PITPNM3: variants seen among roughly 807,000 people sequenced by gnomAD.
PITPNM3 encodes PITPNM family member 3, also known as membrane-associated phosphatidylinositol transfer protein 3.
PITPNM3 carries 26 observed loss-of-function variants against 102.0 expected under a neutral mutation model. The ratio of observed to expected loss-of-function variants is 0.25; its 90% CI spans 0.19 to 0.35. The LOEUF (loss-of-function observed/expected upper bound fraction) is 0.35, where lower values mean the gene tolerates loss of function less well. Among genes scored for constraint, PITPNM3 ranks in the 10% least tolerant of loss-of-function variants. PITPNM3 has a pLI of 1.00. For missense variants in PITPNM3, 1,083 were observed against 1,346.1 expected (o/e 0.80, Z 3.06); for synonymous variants, 578 against 558.6 (o/e 1.03, Z -0.49).
rs918800944 is a variant in PITPNM3, at chr17:6,458,481, T to C, written c.2491-759A>G. Among the ~76,000 whole-genome samples the C allele has an allele frequency of 6.6e-6, 1 of 152,146 alleles. No individual in the cohort carries two copies. The highest frequency in any genetic ancestry group is 2.4e-5 in the African/African-American group (1 of 41,408). ...CCCACGGTCTGCATGACGTGAAGGA[T>C]CTACCACCTCCCACCCGGCCTGGCA... On this transcript the variant is annotated intron_variant, in intron 18 of 19. Coordinates refer to ENST00000262483, the MANE Select transcript of PITPNM3 (RefSeq NM_031220.4). The surrounding 1 kb of genome is among the most constrained non-coding windows in gnomAD (Gnocchi z 5.1).
At chr17:6,551,047 C>T (rs542267233) in intron 1 of PITPNM3, among the ~76,000 whole-genome samples, 3 of 152,300 alleles carry the variant, frequency 2.0e-5, no homozygotes, top group South Asian at 2.1e-4. Context: ...CCCCAGACTG[C>T]GGGAAAGCTT....
chr17:6,457,761 G>A lies in PITPNM3; in HGVS notation c.2491-39C>T. On this transcript the variant is annotated intron_variant, in intron 18 of 19. Coordinates refer to ENST00000262483, the MANE Select transcript of PITPNM3 (RefSeq NM_031220.4). The surrounding 1 kb of genome is among the most constrained non-coding windows in gnomAD (Gnocchi z 4.7). ...CAGGCATAGGGGGAGAGTGAGGCCA[G>A]CCCACCCCCTGGAAAGCCTTCCCAG... 1 of 1,557,214 alleles carries A rather than the reference G, an allele frequency of 6.4e-7. No homozygotes were observed.
At chr17:6,531,877 C>T (rs1282766719) in intron 2 of PITPNM3, among the ~76,000 whole-genome samples, 2 of 152,070 alleles carry the variant, frequency 1.3e-5, no homozygotes, top group African/African-American at 2.4e-5. Flanking sequence ...CTGAGGCGGA[C>T]GGATCACCTG....
In PITPNM3 at chr17:6,471,620, A is replaced by G. The variant is rs984296805; in HGVS notation, c.1430-265T>C. On this transcript the variant is annotated intron_variant, in intron 11 of 19. Coordinates refer to ENST00000262483, the MANE Select transcript of PITPNM3 (RefSeq NM_031220.4). Reference sequence around the variant, plus strand: ...TTATGCAGACACAAGCTGGAGTCCCAGCCATCACCCCTACCTCCAATAAAG... The same window carrying G: ...TTATGCAGACACAAGCTGGAGTCCCGGCCATCACCCCTACCTCCAATAAAG... Among the ~76,000 whole-genome samples the G allele has an allele frequency of 2.0e-5, 3 of 152,216 alleles. No homozygotes were observed. In the South Asian group the frequency reaches 6.2e-4, roughly 31 times the overall value.
Position 6,468,166 on chromosome 17 carries a change from C to A in PITPNM3, c.1890+59G>T. 1 of 1,548,166 alleles carries A rather than the reference C, an allele frequency of 6.5e-7. No homozygotes were observed. Among genetic ancestry groups the A allele is most frequent in the Non-Finnish European group, 8.9e-7 (1 of 1,123,570 alleles). ...CCATGTGGATGCCCCAGCCCCCGGG[C>A]CAGCCCCACCTCCCGGAGGACACAG... On this transcript the variant is annotated intron_variant, in intron 14 of 19. Transcript: ENST00000262483. This position sits in a 1 kb window ranked among gnomAD's most constrained non-coding sequence, Gnocchi z 5.2.
intron 2 of PITPNM3, among the ~76,000 whole-genome samples, chr17:6,528,205 C>T (rs1908944507): frequency 6.6e-6 from 1 of 152,196 alleles, no homozygotes; most frequent in African/African-American, 2.4e-5. Context: ...CCTGCCACAT[C>T]CGTATCTCTC....
At chr17:6,518,976 G>A in intron 3 of PITPNM3, among the ~76,000 whole-genome samples, 1 of 152,132 alleles carries the variant, frequency 6.6e-6, no homozygotes, top group Non-Finnish European at 1.5e-5. Flanking sequence ...TTGACCTGGA[G>A]ATCCCATGCA....
In PITPNM3 at chr17:6,477,232, G is replaced by T. The variant is rs1022861160; in HGVS notation, c.901-19C>A. On this transcript the variant is annotated intron_variant, in intron 8 of 19. Transcript: ENST00000262483. ...GGGTGTCCTTTGGGACCGAACAGGG[G>T]ACAGGAGAGAAAAAGACTGTTGTCA... 1.2e-6 allele frequency: 2 copies of T among 1,612,242 alleles called. No individual in the cohort carries two copies. Among genetic ancestry groups the T allele is most frequent in the Admixed American group, 1.7e-5 (1 of 60,002 alleles).
chr17:6,466,286 C>A (rs367585921), intron 14 of PITPNM3, among the ~76,000 whole-genome samples: 1 of 152,242 alleles, frequency 6.6e-6, no homozygotes. Context: ...TCCTCAAAGA[C>A]AGGTTCTCAA....
At chr17:6,490,171 G>A (rs972716655) in intron 4 of PITPNM3, among the ~76,000 whole-genome samples, 16 of 152,002 alleles carry the variant, frequency 1.1e-4, no homozygotes, top group African/African-American at 3.1e-4. Flanking sequence ...GTAGCACCTG[G>A]GGGACTCAAT....
At chr17:6,538,810 G>T (rs1398860715) in intron 1 of PITPNM3, among the ~76,000 whole-genome samples, 1 of 152,154 alleles carries the variant, frequency 6.6e-6, no homozygotes, top group Admixed American at 6.5e-5. Context: ...CACAGTAACT[G>T]ACAATAAACA....
intron 3 of PITPNM3, among the ~76,000 whole-genome samples, chr17:6,509,410 G>A (rs1391350180): frequency 6.6e-6 from 1 of 152,186 alleles, no homozygotes; most frequent in Admixed American, 6.5e-5. Flanking sequence ...GACAGACGGG[G>A]CCTTGGAGAA....
chr17:6,464,949 C>T (rs749890397), intron 14 of PITPNM3, among the ~76,000 whole-genome samples, 178 bp from the exon 15 acceptor site: 8 of 152,226 alleles, frequency 5.3e-5, no homozygotes, highest in African/African-American at 1.4e-4. Flanking sequence ...AAAAACAGAC[C>T]GTGAGTCCCC....
At chr17:6,551,193 T>C (rs1369582169) in intron 1 of PITPNM3, among the ~76,000 whole-genome samples, 13 of 151,890 alleles carry the variant, frequency 8.6e-5, no homozygotes, top group Admixed American at 8.5e-4. Flanking sequence ...CCGTGTCTAC[T>C]AAAAATACAA....
chr17:6,525,560 T>C, intron 2 of PITPNM3, 97 bp from the exon 3 acceptor site: 2 of 898,194 alleles, frequency 2.2e-6, no homozygotes, highest in Non-Finnish European at 3.7e-6. Context: ...TCTTGTCCTA[T>C]TTCTTCCTTG....
chr17:6,547,712 C>T (rs1001817563), intron 1 of PITPNM3, among the ~76,000 whole-genome samples: 15 of 151,986 alleles, frequency 9.9e-5, no homozygotes, highest in South Asian at 4.1e-4. Flanking sequence ...CCTCAAAGGA[C>T]GCTGGGGTCT....
At chr17:6,487,381 CTATTGT>C (rs1906160905) in intron 4 of PITPNM3, among the ~76,000 whole-genome samples, 1 of 152,088 alleles carries the variant, frequency 6.6e-6, no homozygotes, top group African/African-American at 2.4e-5. Flanking sequence ...GGGTTAGCGG[CTATTGT>C]TATTATTATC....
intron 3 of PITPNM3, among the ~76,000 whole-genome samples, chr17:6,509,082 A>G (rs1907716129): frequency 6.6e-6 from 1 of 152,158 alleles, no homozygotes; most frequent in Admixed American, 6.5e-5. Flanking sequence ...GATGGGCTAC[A>G]AGGAACTGGG....
At chr17:6,553,345 TTCACC>T (rs1910420545) in intron 1 of PITPNM3, among the ~76,000 whole-genome samples, 1 of 152,172 alleles carries the variant, frequency 6.6e-6, no homozygotes. Flanking sequence ...CCCATCTGGA[TTCACC>T]TTCTGAAGAT....
Sources: gnomAD v4.1 joint callset for allele counts (sites outside exome capture counted in the v4.1 genomes callset) on GRCh38, gnomAD v4.1.1 for gene constraint, Gnocchi (gnomAD v3.1) non-coding constraint, MANE v1.5 for transcripts, NCBI Gene and HGNC (gene_info 2026-07-23, HGNC 2026-07-21) for gene names.